Variants in ACSM3 observed in about 807,000 individuals in gnomAD.
ACSM3 encodes the protein acyl-coenzyme A synthetase ACSM3, mitochondrial.
Under a neutral mutation model 74.1 loss-of-function variants are expected in ACSM3, and 61 were observed. The ratio of observed to expected loss-of-function variants is 0.82; its 90% CI spans 0.67 to 1.02. The LOEUF is 1.02. ACSM3 is among the 50% of genes least tolerant of loss of function. The pLI is 0.00. For missense variants in ACSM3, 660 were observed against 697.0 expected (o/e 0.95, Z 0.60); for synonymous variants, 213 against 241.5 (o/e 0.88, Z 1.09).
rs1342048021 is a variant in ACSM3 at position 20,711,646 on chromosome 16, C to T, written c.-190+36824C>T. 11 of 815,136 alleles carry T rather than the reference C, an allele frequency of 1.3e-5. 1 individual carries two copies. Among genetic ancestry groups the T allele is most frequent in the Admixed American group, 8.2e-5 (4 of 48,544 alleles). The allele number at this position is 815,136 out of a possible 1,614,324, so 50.5% of individuals were successfully genotyped here. A position where few individuals can be genotyped will look rare whatever the true frequency, so the allele number is the denominator to read the frequency against. ...CAAACTCCTGGTGTCTCCACAAAGC[C>T]GGAACAGGTGGCTCAGTTTCCAGGA... On this transcript the variant is annotated intron_variant, in intron 1 of 3. Coordinates refer to the ACSM3 transcript ENST00000561584.
intron 4 of ACSM3, among the ~76,000 whole-genome samples, chr16:20,779,424 T>TC (rs2080303546): frequency 4.0e-5 from 2 of 49,680 alleles, no homozygotes; most frequent in South Asian, 1.4e-3. Context: ...AAACCCTGTC[T>TC]CAAAAAAAAA....
rs200477998 is a variant in ACSM3, at chr16:20,781,759, C to T, written c.991C>T (p.Arg331Ter). Reference protein sequence around the residue: ...TVFCSAPTVYRMLVQNDITSY... With the variant: ...TVFCSAPTVY ...CTTCTGTTCAGCACCAACTGTATAC[C>T]GAATGCTTGTACAGAATGATATAAC... The change falls in exon 7 of 14, where the codon CGA (arginine) becomes TGA (stop). Residue 331 changes from arginine to a stop codon, truncating the protein, a stop_gained. Transcript: ENST00000289416. LOFTEE classifies it high-confidence loss of function. 343 of 1,612,484 alleles carry T rather than the reference C, an allele frequency of 2.1e-4. No individual in the cohort carries two copies. Among genetic ancestry groups the T allele is most frequent in the Admixed American group, 3.0e-4 (18 of 59,982 alleles).
intron 1 of ACSM3, chr16:20,728,212 T>C (rs1394750833): frequency 5.8e-6 from 2 of 346,164 alleles, no homozygotes; most frequent in Non-Finnish European, 1.1e-5. Flanking sequence ...CCAGGCTCAA[T>C]GGGGAAAGAA....
chr16:20,715,311 T>A (rs2079757675), intron 1 of ACSM3, among the ~76,000 whole-genome samples: 1 of 152,178 alleles, frequency 6.6e-6, no homozygotes, highest in South Asian at 2.1e-4. Context: ...TTTCAAATAA[T>A]CTTCACTGTT....
At chr16:20,740,444 C>T (rs905141491) in intron 1 of ACSM3, among the ~76,000 whole-genome samples, 3 of 152,228 alleles carry the variant, frequency 2.0e-5, no homozygotes, top group African/African-American at 7.2e-5. Flanking sequence ...AGGATATGTG[C>T]TTGTTGCCCA....
intron 1 of ACSM3, chr16:20,733,841 A>T (rs2079846271): frequency 1.3e-5 from 2 of 152,110 alleles, no homozygotes; most frequent in Non-Finnish European, 2.9e-5. Context: ...TCCTCTATGG[A>T]GCTAAACAAG....
At chr16:20,761,543 C>T (rs1250569063), upstream of ACSM3, among the ~76,000 whole-genome samples, 1 of 152,082 alleles carries the variant, frequency 6.6e-6, no homozygotes, top group Non-Finnish European at 1.5e-5. Context: ...ATAGTGAAAA[C>T]CCCCCACACG....
chr16:20,789,965 C>T (rs376469852), intron 9 of ACSM3, among the ~76,000 whole-genome samples: 70 of 152,082 alleles, frequency 4.6e-4, no homozygotes, highest in East Asian at 2.5e-3. Context: ...TGAGCCACTG[C>T]GCCCAGCCAG....
At chr16:20,709,951 T>A (rs1478079345) in intron 1 of ACSM3, among the ~76,000 whole-genome samples, 1 of 152,194 alleles carries the variant, frequency 6.6e-6, no homozygotes, top group Non-Finnish European at 1.5e-5. Flanking sequence ...TTAAGTGAGA[T>A]GTCAGGCACA....
intron 1 of ACSM3, chr16:20,721,192 G>T (rs12708637): frequency 0.62 from 93,956 of 151,972 alleles, 30,185 homozygotes; most frequent in Non-Finnish European, 0.72. Context: ...GAGGGGCGAG[G>T]CTTGAATAAT....
At chr16:20,720,653 A>G (rs1376326655) in intron 1 of ACSM3, among the ~76,000 whole-genome samples, 3 of 152,216 alleles carry the variant, frequency 2.0e-5, no homozygotes, top group Non-Finnish European at 2.9e-5. Flanking sequence ...ATAAGAACGG[A>G]GATCTCCACA....
At chr16:20,746,733 A>C (rs989126256) in intron 1 of ACSM3, among the ~76,000 whole-genome samples, 1 of 152,192 alleles carries the variant, frequency 6.6e-6, no homozygotes, top group Non-Finnish European at 1.5e-5. Context: ...CTGCCCCTAG[A>C]GGAGTCAAAT....
At chr16:20,779,240 C>T (rs908652218) in intron 4 of ACSM3, among the ~76,000 whole-genome samples, 30 of 151,616 alleles carry the variant, frequency 2.0e-4, no homozygotes, top group African/African-American at 7.0e-4. Context: ...TTGGGAAACA[C>T]AGTGAAACCT....
intron 1 of ACSM3, chr16:20,680,938 A>G (rs1012567934): frequency 6.6e-6 from 1 of 152,246 alleles, no homozygotes; most frequent in East Asian, 1.9e-4. Context: ...AAGCAAGGGG[A>G]ACTCTTATGG....
rs1160125475 is a variant in ACSM3, at chr16:20,770,300, A to G, written c.219+47A>G. The G allele has an allele frequency of 6.6e-6, 10 of 1,505,100 alleles. No homozygotes were observed. The South Asian group carries it at 9.1e-5, about 14-fold the overall frequency. The allele number at this position is 1,505,100 out of a possible 1,614,324, so 93.2% of individuals were successfully genotyped here. A position where few individuals can be genotyped will look rare whatever the true frequency, so the allele number is the denominator to read the frequency against. On this transcript the variant is annotated intron_variant, in intron 2 of 13. Coordinates refer to ENST00000289416, the MANE Select transcript of ACSM3 (RefSeq NM_005622.4). ...GACCACAATTTCTCAACTGGGAGTG[A>G]TTTTACCCCTAGGTAACATCTCTAA... is the stretch of plus-strand genomic sequence containing the variant.
intron 1 of ACSM3, chr16:20,742,204 G>A (rs909080652): frequency 4.8e-6 from 2 of 420,238 alleles, no homozygotes; most frequent in African/African-American, 4.2e-5. Context: ...GCCCCTTGAG[G>A]CATTCATTCA....
At chr16:20,744,260 G>C (rs914255771) in intron 1 of ACSM3, among the ~76,000 whole-genome samples, 1 of 152,236 alleles carries the variant, frequency 6.6e-6, no homozygotes. Flanking sequence ...TCCATACATA[G>C]TGAACTATAA....
chr16:20,679,733 C>G (rs1051645454), intron 1 of ACSM3: 2 of 152,170 alleles, frequency 1.3e-5, no homozygotes, highest in African/African-American at 4.8e-5. Context: ...AAGTTAGGAA[C>G]CTGCACATAC....
At chr16:20,677,334 G>T (rs142842929) in intron 1 of ACSM3, among the ~76,000 whole-genome samples, 1 of 152,084 alleles carries the variant, frequency 6.6e-6, no homozygotes, top group Admixed American at 6.5e-5. Context: ...GGCCATGAAG[G>T]TTCTAACTCA....
Sources: allele counts gnomAD v4.1 joint callset (sites outside exome capture counted in the v4.1 genomes callset), GRCh38; gene constraint gnomAD v4.1.1; transcripts MANE v1.5; gene names NCBI Gene and HGNC (gene_info 2026-07-23, HGNC 2026-07-21).